The following ARID5B variants were observed in gnomAD, a reference collection of about 807,000 sequenced individuals.
ARID5B encodes the protein AT-rich interaction domain 5B.
Under a neutral mutation model 97.2 loss-of-function variants are expected in ARID5B, and 13 were observed. The ratio of observed to expected loss-of-function variants is 0.13; its 90% CI spans 0.09 to 0.21. The LOEUF (loss-of-function observed/expected upper bound fraction) is 0.21, where lower values mean the gene tolerates loss of function less well. Among genes scored for constraint, ARID5B ranks in the 10% least tolerant of loss-of-function variants. The pLI, the probability that ARID5B is intolerant of heterozygous loss-of-function variation, is 1.00. For missense variants in ARID5B, 1,210 were observed against 1,465.3 expected (o/e 0.83, Z 2.84); for synonymous variants, 556 against 570.3 (o/e 0.97, Z 0.36).
chr10:62,065,429 G>A (rs1182649709), intron 7 of ARID5B, among the ~76,000 whole-genome samples: 1 of 152,128 alleles, frequency 6.6e-6, no homozygotes, highest in Non-Finnish European at 1.5e-5. Flanking sequence ...CAGGCATAGT[G>A]CCCGAAAATG....
At chr10:61,918,979 A>G (rs572839493) in intron 2 of ARID5B, among the ~76,000 whole-genome samples, 1 of 143,402 alleles carries the variant, frequency 7.0e-6, no homozygotes, top group East Asian at 2.2e-4. Flanking sequence ...GATTGCAGTG[A>G]GACGAGATTG....
intron 9 of ARID5B, among the ~76,000 whole-genome samples, chr10:62,088,979 A>T (rs149308606): frequency 6.6e-6 from 1 of 152,174 alleles, no homozygotes; most frequent in African/African-American, 2.4e-5. Flanking sequence ...GCTTTCAAAG[A>T]CTTCCTAAAC....
intron 9 of ARID5B, 63 bp downstream of exon 9, chr10:62,085,963 G>C (rs1840275243): frequency 1.6e-5 from 24 of 1,528,658 alleles, no homozygotes; most frequent in Non-Finnish European, 2.0e-5. Flanking sequence ...GGTCCTTCTG[G>C]AGCCCTGAAT....
chr10:61,951,388 T>C (rs2132811648), intron 3 of ARID5B, among the ~76,000 whole-genome samples: 1 of 152,360 alleles, frequency 6.6e-6, no homozygotes, highest in South Asian at 2.1e-4. Flanking sequence ...GTGCCTTGCC[T>C]AGAACTCTCT....
At chr10:61,946,044 A>T (rs1844493268) in intron 3 of ARID5B, among the ~76,000 whole-genome samples, 1 of 148,288 alleles carries the variant, frequency 6.7e-6, no homozygotes, top group Non-Finnish European at 1.5e-5. Flanking sequence ...AATATATACC[A>T]TATAACATAA....
intron 3 of ARID5B, among the ~76,000 whole-genome samples, chr10:61,967,837 G>A (rs551662593): frequency 1.9e-4 from 29 of 152,186 alleles, no homozygotes; most frequent in African/African-American, 6.5e-4. Context: ...AGTACAGATC[G>A]ATGTTGTAAA....
At chr10:62,072,771 A>G (rs776946321) in intron 8 of ARID5B, among the ~76,000 whole-genome samples, 7 of 152,246 alleles carry the variant, frequency 4.6e-5, no homozygotes, top group Non-Finnish European at 1.0e-4. Context: ...TCAATGTTCA[A>G]TCAATCATTC....
At chr10:62,071,440 A>G (rs1762112725) in intron 8 of ARID5B, among the ~76,000 whole-genome samples, 1 of 152,182 alleles carries the variant, frequency 6.6e-6, no homozygotes, top group African/African-American at 2.4e-5. Context: ...TGAACCATCA[A>G]ACATAAAGGA....
intron 2 of ARID5B, among the ~76,000 whole-genome samples, chr10:61,935,669 C>T (rs1844287605): frequency 6.6e-6 from 1 of 151,916 alleles, no homozygotes; most frequent in South Asian, 2.1e-4. Context: ...ATGAATCTAT[C>T]CATGTGTTAA....
At chr10:61,978,120 C>A (rs549416156) in intron 3 of ARID5B, among the ~76,000 whole-genome samples, 1 of 152,312 alleles carries the variant, frequency 6.6e-6, no homozygotes, top group East Asian at 1.9e-4. Flanking sequence ...ATAGGGAATC[C>A]TTTCCCCATT....
At chr10:62,040,386 C>T (rs1232910091) in intron 4 of ARID5B, among the ~76,000 whole-genome samples, 3 of 151,776 alleles carry the variant, frequency 2.0e-5, no homozygotes, top group East Asian at 1.9e-4. Flanking sequence ...CTATATATAA[C>T]GTTTTTACAT....
At chr10:61,926,049 C>T (rs967893414) in intron 2 of ARID5B, among the ~76,000 whole-genome samples, 1 of 152,114 alleles carries the variant, frequency 6.6e-6, no homozygotes, top group Admixed American at 6.5e-5. Flanking sequence ...CACTAAAGAG[C>T]CTCCGTGGCA....
At chr10:62,077,897 A>G (rs1840159551) in intron 8 of ARID5B, among the ~76,000 whole-genome samples, 1 of 152,234 alleles carries the variant, frequency 6.6e-6, no homozygotes, top group South Asian at 2.1e-4. Flanking sequence ...TTCAGAAAGC[A>G]TGTTTCCAAA....
At chr10:62,050,847 C>T in intron 4 of ARID5B, 41 bp from the exon 5 acceptor site, 5 of 1,531,430 alleles carry the variant, frequency 3.3e-6, no homozygotes, top group Non-Finnish European at 4.5e-6. Flanking sequence ...GAAACCCATG[C>T]AAGTGAAAAT....
chr10:61,957,242 T>G (rs1484961985), intron 3 of ARID5B, among the ~76,000 whole-genome samples: 1 of 152,232 alleles, frequency 6.6e-6, no homozygotes, highest in Non-Finnish European at 1.5e-5. Flanking sequence ...AAATTTTTTT[T>G]TGTTAAACAT....
At chr10:62,003,701 T>C (rs1412072690) in intron 4 of ARID5B, among the ~76,000 whole-genome samples, 1 of 152,168 alleles carries the variant, frequency 6.6e-6, no homozygotes, top group Admixed American at 6.5e-5. Context: ...TGGGGCTGGC[T>C]TTCCATCTTG....
chr10:62,022,645 G>GT (rs752757250), intron 4 of ARID5B, among the ~76,000 whole-genome samples: 1 of 152,166 alleles, frequency 6.6e-6, no homozygotes, highest in Admixed American at 6.6e-5. Flanking sequence ...CAGGAACCCA[G>GT]TTTTTTTCTA....
At chr10:61,967,469 CA>C (rs1408654042) in intron 3 of ARID5B, among the ~76,000 whole-genome samples, 1 of 152,194 alleles carries the variant, frequency 6.6e-6, no homozygotes, top group African/African-American at 2.4e-5. Flanking sequence ...TGTGTGAACA[CA>C]GGGGAAATAT....
chr10:62,050,883 T>G lies in ARID5B; in HGVS notation c.734-5T>G, dbSNP rs1839778860. The G allele has an allele frequency of 6.2e-7, 1 of 1,612,314 alleles. No individual in the cohort carries two copies. The highest frequency in any genetic ancestry group is 1.1e-5 in the South Asian group (1 of 90,830). On this transcript the variant is annotated splice_polypyrimidine_tract_variant and splice_region_variant and intron_variant, in intron 4 of 9. Coordinates refer to ENST00000279873, the MANE Select transcript of ARID5B (RefSeq NM_032199.3). ...GTATATCAATTGTTTTCCATTTGTTTTCAGCGCCAAATCTTAAAGGCAGAC... is the reference window on the plus strand; with the variant it reads ...GTATATCAATTGTTTTCCATTTGTTGTCAGCGCCAAATCTTAAAGGCAGAC...
Sources: gnomAD v4.1 joint callset for allele counts (sites outside exome capture counted in the v4.1 genomes callset) on GRCh38, gnomAD v4.1.1 for gene constraint, MANE v1.5 for transcripts, NCBI Gene and HGNC (gene_info 2026-07-23, HGNC 2026-07-21) for gene names.